CTNND2: variants seen among roughly 807,000 people sequenced by gnomAD.
The protein encoded by CTNND2 is catenin delta-2.
A neutral mutation model predicts 144.4 loss-of-function variants in CTNND2; 22 were observed. The ratio of observed to expected loss-of-function variants is 0.15; its 90% CI spans 0.11 to 0.22. CTNND2 has a LOEUF of 0.22. CTNND2 is among the 10% of genes least tolerant of loss of function. The pLI is 1.00. For synonymous variants in CTNND2, 751 were observed against 695.6 expected (o/e 1.08, Z -1.25); for missense variants, 1,353 against 1,618.8 (o/e 0.84, Z 2.82).
chr5:10,997,453 G>A (rs562092849), intron 18 of CTNND2, among the ~76,000 whole-genome samples: 2 of 152,130 alleles, frequency 1.3e-5, no homozygotes, highest in South Asian at 2.1e-4. Context: ...TTAGCTGGGC[G>A]TGGCAGTGCG....
At chr5:11,327,738 T>C (rs576883084) in intron 9 of CTNND2, among the ~76,000 whole-genome samples, 4 of 152,292 alleles carry the variant, frequency 2.6e-5, no homozygotes, top group Non-Finnish European at 5.9e-5. Context: ...TTTCTGATGA[T>C]AAAATTGGTG....
At chr5:11,560,534 C>T (rs559751234) in intron 3 of CTNND2, among the ~76,000 whole-genome samples, 1 of 152,320 alleles carries the variant, frequency 6.6e-6, no homozygotes, top group South Asian at 2.1e-4. Context: ...AATCCCTACC[C>T]ATTCTTTGAC....
At chr5:11,090,207 G>A (rs921575265) in intron 15 of CTNND2, among the ~76,000 whole-genome samples, 4 of 152,182 alleles carry the variant, frequency 2.6e-5, no homozygotes, top group Admixed American at 6.5e-5. Context: ...CCACCATAGC[G>A]CTGTGATCAT....
intron 2 of CTNND2, among the ~76,000 whole-genome samples, chr5:11,566,102 T>G (rs540054046): frequency 6.6e-6 from 1 of 152,302 alleles, no homozygotes; most frequent in Admixed American, 6.5e-5. Flanking sequence ...AGGACACTCT[T>G]GCATGAGGTC....
intron 16 of CTNND2, among the ~76,000 whole-genome samples, chr5:11,027,610 ATGTGTG>A (rs142487986): frequency 6.6e-6 from 1 of 151,228 alleles, no homozygotes; most frequent in South Asian, 2.1e-4. Flanking sequence ...CACTGTGTGT[ATGTGTG>A]TGTGTGTGTG....
intron 3 of CTNND2, among the ~76,000 whole-genome samples, chr5:11,461,808 A>G (rs10462668): frequency 0.25 from 37,604 of 152,122 alleles, 5,811 homozygotes; most frequent in East Asian, 0.72. Context: ...AAGATTAGAA[A>G]GAAATAAGGA....
intron 10 of CTNND2, among the ~76,000 whole-genome samples, chr5:11,225,492 C>T (rs1728246178): frequency 6.6e-6 from 1 of 152,194 alleles, no homozygotes; most frequent in Admixed American, 6.5e-5. Context: ...CAGAGATTCT[C>T]TTCCTCTTCT....
At chr5:11,130,901 C>T (rs989808334) in intron 12 of CTNND2, among the ~76,000 whole-genome samples, 2 of 152,090 alleles carry the variant, frequency 1.3e-5, no homozygotes, top group Admixed American at 1.3e-4. Context: ...TATTGAAAGC[C>T]GCCCATATCT....
intron 10 of CTNND2, among the ~76,000 whole-genome samples, chr5:11,206,067 T>C (rs1452698021): frequency 2.6e-5 from 4 of 152,246 alleles, no homozygotes; most frequent in Non-Finnish European, 5.9e-5. Flanking sequence ...AACCATCCAC[T>C]GTATCAACTT....
intron 1 of CTNND2, among the ~76,000 whole-genome samples, chr5:11,763,137 G>C (rs1454595670): frequency 3.3e-5 from 5 of 152,066 alleles, no homozygotes; most frequent in Non-Finnish European, 7.4e-5. Context: ...TGTGAAGATG[G>C]TACATGCTTC....
intron 7 of CTNND2, among the ~76,000 whole-genome samples, chr5:11,377,967 C>A (rs970068051): frequency 1.3e-5 from 2 of 152,140 alleles, no homozygotes; most frequent in African/African-American, 4.8e-5. Flanking sequence ...CTGGGCTTAG[C>A]ATGTATAAAG....
At chr5:11,424,629 G>A (rs1240498537) in intron 3 of CTNND2, among the ~76,000 whole-genome samples, 1 of 151,824 alleles carries the variant, frequency 6.6e-6, no homozygotes, top group Admixed American at 6.6e-5. Context: ...TGTATGTTTG[G>A]CATGTCATAA....
At chr5:11,608,438 C>T (rs2126367447) in intron 2 of CTNND2, among the ~76,000 whole-genome samples, 2 of 152,234 alleles carry the variant, frequency 1.3e-5, no homozygotes, top group Middle Eastern at 6.8e-3. Context: ...CCCATTCCAC[C>T]ACTCTCCACC....
At chr5:11,773,661 T>A (rs1362741292) in intron 1 of CTNND2, among the ~76,000 whole-genome samples, 1 of 151,950 alleles carries the variant, frequency 6.6e-6, no homozygotes, top group Non-Finnish European at 1.5e-5. Flanking sequence ...AATACAAAAA[T>A]CAGCCGGGTG....
chr5:11,725,628 G>A (rs1405105490), intron 2 of CTNND2, among the ~76,000 whole-genome samples: 1 of 152,036 alleles, frequency 6.6e-6, no homozygotes, highest in African/African-American at 2.4e-5. Context: ...TGAATTTGAA[G>A]TAAAACATAA....
chr5:11,575,874 C>A (rs1016131577), intron 2 of CTNND2, among the ~76,000 whole-genome samples: 3 of 152,086 alleles, frequency 2.0e-5, no homozygotes, highest in Admixed American at 6.6e-5. Context: ...TTTCTCTGAA[C>A]AAGCTCATCC....
At chr5:11,498,783 A>G (rs1236637218) in intron 3 of CTNND2, among the ~76,000 whole-genome samples, 1 of 152,248 alleles carries the variant, frequency 6.6e-6, no homozygotes, top group Non-Finnish European at 1.5e-5. Context: ...AATTTTTTAA[A>G]GCATATCTTT....
At chr5:11,507,878 C>T (rs1771217668) in intron 3 of CTNND2, among the ~76,000 whole-genome samples, 1 of 152,090 alleles carries the variant, frequency 6.6e-6, no homozygotes, top group African/African-American at 2.4e-5. Context: ...AGGTCCCAGG[C>T]ACAATGTTCC....
At chr5:11,295,538 T>C (rs1561170406) in intron 9 of CTNND2, among the ~76,000 whole-genome samples, 1 of 152,140 alleles carries the variant, frequency 6.6e-6, no homozygotes, top group Middle Eastern at 3.4e-3. Context: ...AATCCTAAGC[T>C]AAAAGAACAA....
Sources: gnomAD v4.1 joint callset for allele counts (sites outside exome capture counted in the v4.1 genomes callset) on GRCh38, gnomAD v4.1.1 for gene constraint, MANE v1.5 for transcripts, NCBI Gene and HGNC (gene_info 2026-07-23, HGNC 2026-07-21) for gene names.